The following NAALADL2 variants were observed in gnomAD, a reference collection of about 807,000 sequenced individuals.
The protein encoded by NAALADL2 is N-acetylated alpha-linked acidic dipeptidase like 2.
NAALADL2 carries 76 observed loss-of-function variants against 87.2 expected under a neutral mutation model. That is an observed-to-expected ratio of 0.87 (90% CI 0.72 to 1.05). The LOEUF is 1.05. Ranked by LOEUF, NAALADL2 falls within the 50% of genes least tolerant of loss-of-function variation. The pLI, the probability that NAALADL2 is intolerant of heterozygous loss-of-function variation, is 0.00. For synonymous variants in NAALADL2, 354 were observed against 331.0 expected, an observed-to-expected ratio of 1.07 and a Z score of -0.75; for missense variants, 1,089 against 945.8, an observed-to-expected ratio of 1.15 and a Z score of -1.99.
At chr3:175,162,072 T>A (rs1363936144) in intron 2 of NAALADL2, among the ~76,000 whole-genome samples, 3 of 152,140 alleles carry the variant, frequency 2.0e-5, no homozygotes, top group Non-Finnish European at 4.4e-5. Flanking sequence ...ACTGTTAGAT[T>A]TTGCTGCTGT....
intron 1 of NAALADL2, among the ~76,000 whole-genome samples, chr3:174,540,424 G>A (rs1489852732): frequency 6.6e-6 from 1 of 152,072 alleles, no homozygotes; most frequent in Non-Finnish European, 1.5e-5. Context: ...TATTACTTTG[G>A]CAGGCAGCCT....
intron 1 of NAALADL2, among the ~76,000 whole-genome samples, chr3:174,451,325 G>T (rs928838848): frequency 6.6e-6 from 1 of 152,122 alleles, no homozygotes; most frequent in African/African-American, 2.4e-5. Context: ...TTTCATTGCT[G>T]CCTGATTTAT....
At chr3:174,819,347 G>A (rs1251691889) in intron 3 of NAALADL2, among the ~76,000 whole-genome samples, 2 of 151,718 alleles carry the variant, frequency 1.3e-5, no homozygotes, top group African/African-American at 4.8e-5. Context: ...TTACAAGCAT[G>A]AGCCATTGTG....
intron 3 of NAALADL2, among the ~76,000 whole-genome samples, chr3:175,254,319 A>G (rs889495055): frequency 2.6e-5 from 4 of 152,178 alleles, no homozygotes; most frequent in Non-Finnish European, 5.9e-5. Flanking sequence ...AATGTACTGA[A>G]CACTCAGACC....
At chr3:174,822,131 G>C (rs1451848422) in intron 3 of NAALADL2, among the ~76,000 whole-genome samples, 1 of 151,484 alleles carries the variant, frequency 6.6e-6, no homozygotes, top group Middle Eastern at 3.4e-3. Flanking sequence ...GTTAAACTAG[G>C]TACACAGAAA....
chr3:175,732,476 A>G (rs1430056650), intron 11 of NAALADL2, among the ~76,000 whole-genome samples: 3 of 152,174 alleles, frequency 2.0e-5, no homozygotes, highest in African/African-American at 7.2e-5. Context: ...AGGCGACACT[A>G]TCTGTTTGGA....
At chr3:175,078,620 C>G (rs2109215430) in intron 1 of NAALADL2, among the ~76,000 whole-genome samples, 1 of 152,250 alleles carries the variant, frequency 6.6e-6, no homozygotes, top group Admixed American at 6.5e-5. Flanking sequence ...CAGCCCCATG[C>G]AACCAGTAAT....
At chr3:175,421,398 A>G (rs1035674816) in intron 5 of NAALADL2, among the ~76,000 whole-genome samples, 6 of 152,028 alleles carry the variant, frequency 3.9e-5, no homozygotes, top group African/African-American at 1.4e-4. Flanking sequence ...GTGTCTGGAA[A>G]TTTGTATTTT....
rs188782140 is a variant in NAALADL2, at chr3:174,478,150, G to C, written c.-184+37118G>C. Among the ~76,000 whole-genome samples the C allele has an allele frequency of 4.2e-3, 638 of 152,142 alleles. 3 individuals carry two copies. The highest frequency in any genetic ancestry group is 6.8e-3 in the Non-Finnish European group (460 of 67,988). The stretch of plus-strand genomic sequence containing the variant: ...TTTAACAATATATTTTACAAATACT[G>C]ACTGGTTGTGTTTTTAGAAACTTAC... On this transcript the variant is annotated intron_variant, in intron 1 of 3. Transcript: ENST00000434257.
At chr3:174,981,397 G>A (rs1745089443) in intron 1 of NAALADL2, among the ~76,000 whole-genome samples, 2 of 152,126 alleles carry the variant, frequency 1.3e-5, no homozygotes, top group Non-Finnish European at 2.9e-5. Context: ...AAGTTAATAT[G>A]TGGCCATGTA....
At chr3:175,340,497 A>G (rs528861726) in intron 5 of NAALADL2, among the ~76,000 whole-genome samples, 1 of 152,088 alleles carries the variant, frequency 6.6e-6, no homozygotes, top group Non-Finnish European at 1.5e-5. Context: ...ACACTTCTCT[A>G]CTAGAGGAAT....
intron 2 of NAALADL2, among the ~76,000 whole-genome samples, chr3:175,188,993 T>G (rs935751529): frequency 2.0e-5 from 3 of 152,124 alleles, no homozygotes; most frequent in Non-Finnish European, 4.4e-5. Context: ...AGGCCTGAGA[T>G]GTGGGGATGA....
chr3:174,575,075 T>A (rs1030927531), intron 2 of NAALADL2, among the ~76,000 whole-genome samples: 1 of 152,102 alleles, frequency 6.6e-6, no homozygotes, highest in Admixed American at 6.6e-5. Context: ...TATTTAACTT[T>A]TTAAGAAACT....
chr3:174,703,162 C>T (rs1729717759), intron 2 of NAALADL2, among the ~76,000 whole-genome samples: 1 of 152,008 alleles, frequency 6.6e-6, no homozygotes, highest in African/African-American at 2.4e-5. Context: ...TTTTTAGAGA[C>T]AGGGTCTCAC....
rs1231056656 is a variant in NAALADL2, at chr3:174,674,554, G to A, written c.-114-63087G>A. 2.0e-5 allele frequency among the ~76,000 whole-genome samples: 3 copies of A among 151,682 alleles called. No homozygotes were observed. In the South Asian group the frequency reaches 6.2e-4, roughly 32 times the overall value. ...TTTATGTCGTCTGTAGTTTGAAAAG[G>A]GTTTTACACATAATACTGAAAATAT... On this transcript the variant is annotated intron_variant, in intron 2 of 3. Coordinates refer to the NAALADL2 transcript ENST00000434257.
chr3:175,073,919 C>T (rs1716117533), intron 1 of NAALADL2, among the ~76,000 whole-genome samples: 1 of 152,056 alleles, frequency 6.6e-6, no homozygotes, highest in African/African-American at 2.4e-5. Flanking sequence ...CCTCCCCTAC[C>T]ATTTGCACCC....
intron 11 of NAALADL2, among the ~76,000 whole-genome samples, chr3:175,725,432 C>T (rs768051424): frequency 1.3e-5 from 2 of 152,094 alleles, no homozygotes; most frequent in Non-Finnish European, 1.5e-5. Flanking sequence ...CCTTTTTAGG[C>T]TCAGGAAAGC....
intron 9 of NAALADL2, among the ~76,000 whole-genome samples, chr3:175,511,813 G>A (rs557980933): frequency 6.6e-6 from 1 of 152,316 alleles, no homozygotes; most frequent in South Asian, 2.1e-4. Context: ...AATGCAGTAG[G>A]AAATTCCAAG....
At chr3:175,036,722 G>C (rs1181270759) in intron 1 of NAALADL2, among the ~76,000 whole-genome samples, 1 of 150,180 alleles carries the variant, frequency 6.7e-6, no homozygotes, top group African/African-American at 2.5e-5. Context: ...TTTTTAACTT[G>C]ATGTTTTACT....
Sources: allele counts gnomAD v4.1 joint callset (sites outside exome capture counted in the v4.1 genomes callset), GRCh38; gene constraint gnomAD v4.1.1; transcripts MANE v1.5; gene names NCBI Gene and HGNC (gene_info 2026-07-23, HGNC 2026-07-21).